ZRANB3: variants seen among roughly 807,000 people sequenced by gnomAD.
ZRANB3 encodes the protein DNA annealing helicase and endonuclease ZRANB3.
In ZRANB3, 125 loss-of-function variants were observed where a neutral mutation model predicts 133.8. The ratio of observed to expected loss-of-function variants is 0.93; its 90% CI spans 0.81 to 1.08. The LOEUF (loss-of-function observed/expected upper bound fraction) is 1.08. Ranked by LOEUF, ZRANB3 falls within the 50% of genes least tolerant of loss-of-function variation. The pLI, the probability that ZRANB3 is intolerant of heterozygous loss-of-function variation, is 0.00. For missense variants in ZRANB3, 1,229 were observed against 1,275.5 expected, an observed-to-expected ratio of 0.96 and a Z score of 0.56; for synonymous variants, 387 against 432.7, an observed-to-expected ratio of 0.89 and a Z score of 1.31.
chr2:135,522,019 G>C (rs1426123671), intron 1 of ZRANB3, among the ~76,000 whole-genome samples: 1 of 152,154 alleles, frequency 6.6e-6, no homozygotes, highest in Non-Finnish European at 1.5e-5. Flanking sequence ...GAGCATAACA[G>C]CTCTGCAGCA....
At chr2:135,314,119 C>T (rs1683137771) in intron 7 of ZRANB3, among the ~76,000 whole-genome samples, 1 of 152,200 alleles carries the variant, frequency 6.6e-6, no homozygotes, top group African/African-American at 2.4e-5. Flanking sequence ...CCACCTCGAC[C>T]TCCCAAAGTG....
chr2:135,209,055 T>G, intron 17 of ZRANB3, 77 bp from the exon 18 acceptor site: 1 of 1,358,904 alleles, frequency 7.4e-7, no homozygotes, highest in Non-Finnish European at 1.0e-6. Context: ...CATTGTTCCT[T>G]GCAAAAGCAA....
At chr2:135,207,339 C>G (rs1693911222) in intron 19 of ZRANB3, 95 bp downstream of exon 19, 2 of 1,408,184 alleles carry the variant, frequency 1.4e-6, no homozygotes, top group Admixed American at 2.3e-5. Flanking sequence ...TTTTATATAT[C>G]TGAATATTCC....
intron 2 of ZRANB3, among the ~76,000 whole-genome samples, chr2:135,462,555 T>TTTCC (rs550308521): frequency 2.0e-5 from 3 of 151,736 alleles, no homozygotes; most frequent in East Asian, 1.9e-4. Context: ...CTTCCTTTCT[T>TTTCC]TTCCTTCCTT....
chr2:135,327,625 G>A (rs1683899703), intron 6 of ZRANB3, among the ~76,000 whole-genome samples: 1 of 152,076 alleles, frequency 6.6e-6, no homozygotes, highest in African/African-American at 2.4e-5. Context: ...AAGAAAACGG[G>A]TGTCAAAGGG....
chr2:135,413,304 T>C (rs1185799224), intron 2 of ZRANB3, among the ~76,000 whole-genome samples: 1 of 152,170 alleles, frequency 6.6e-6, no homozygotes, highest in African/African-American at 2.4e-5. Context: ...TCTTACGTGT[T>C]ATGTGGTCTC....
At chr2:135,490,978 G>A (rs1016911801) in intron 2 of ZRANB3, among the ~76,000 whole-genome samples, 17 of 152,110 alleles carry the variant, frequency 1.1e-4, no homozygotes, top group African/African-American at 4.1e-4. Flanking sequence ...GGCTACTAGT[G>A]GTTGGGAAGG....
intron 13 of ZRANB3, among the ~76,000 whole-genome samples, chr2:135,229,220 G>A (rs900912815): frequency 3.3e-5 from 5 of 152,090 alleles, no homozygotes; most frequent in Non-Finnish European, 7.4e-5. Context: ...ATTTTGGTGG[G>A]AGTACCCAGA....
At chr2:135,305,750 T>C (rs1682657677) in intron 8 of ZRANB3, among the ~76,000 whole-genome samples, 1 of 152,232 alleles carries the variant, frequency 6.6e-6, no homozygotes, top group South Asian at 2.1e-4. Flanking sequence ...CTTTAAGTTT[T>C]TCTTATAGGG....
Position 135,454,267 on chromosome 2 carries a change from C to T in ZRANB3, c.161+50062G>A, listed in dbSNP as rs562141558. Among the ~76,000 whole-genome samples the T allele has an allele frequency of 9.9e-5, 15 of 152,272 alleles. No individual in the cohort carries two copies. In the South Asian group the frequency reaches 2.7e-3, roughly 27 times the overall value. On this transcript the variant is annotated intron_variant, in intron 2 of 20. Coordinates refer to ENST00000264159, the MANE Select transcript of ZRANB3 (RefSeq NM_032143.4). ...CAGCCTCCCACAACACATGGGAATT[C>T]CAGGAGATACAATTCAAGTTGAGAT...
intron 6 of ZRANB3, among the ~76,000 whole-genome samples, chr2:135,326,065 G>C (rs1401252583): frequency 6.6e-6 from 1 of 152,136 alleles, no homozygotes. Context: ...ATCATTTGCT[G>C]TATGTGAGCC....
chr2:135,378,514 C>T (rs778151020), intron 3 of ZRANB3, among the ~76,000 whole-genome samples: 13 of 150,826 alleles, frequency 8.6e-5, no homozygotes, highest in African/African-American at 1.9e-4. Flanking sequence ...AAAACAAAAA[C>T]GTAAAACACA....
chr2:135,523,710 T>C (rs1694036940), intron 1 of ZRANB3, among the ~76,000 whole-genome samples: 1 of 152,206 alleles, frequency 6.6e-6, no homozygotes, highest in Non-Finnish European at 1.5e-5. Flanking sequence ...CTGCCCAAGG[T>C]AACACAAGTA....
chr2:135,463,453 T>C (rs1574142331), intron 2 of ZRANB3, among the ~76,000 whole-genome samples: 1 of 151,958 alleles, frequency 6.6e-6, no homozygotes, highest in Non-Finnish European at 1.5e-5. Flanking sequence ...GTTTTACTCT[T>C]GATGCCCAGG....
chr2:135,528,952 T>C (rs941901469), intron 1 of ZRANB3, among the ~76,000 whole-genome samples: 1 of 152,202 alleles, frequency 6.6e-6, no homozygotes, highest in African/African-American at 2.4e-5. Flanking sequence ...CAAATAAACA[T>C]ACAAAATGTG....
intron 2 of ZRANB3, among the ~76,000 whole-genome samples, chr2:135,481,945 T>A (rs1574174483): frequency 6.5e-5 from 9 of 137,788 alleles, no homozygotes; most frequent in African/African-American, 2.3e-4. Context: ...GCGTTATTTC[T>A]GAGGGCTCTG....
intron 8 of ZRANB3, among the ~76,000 whole-genome samples, chr2:135,280,122 T>C (rs192919003): frequency 1.0e-3 from 158 of 152,340 alleles, no homozygotes; most frequent in African/African-American, 3.7e-3. Context: ...ATCAGCATCT[T>C]GGTAGTGTCG....
chr2:135,505,556 AGAGT>A (rs747422557), intron 1 of ZRANB3, among the ~76,000 whole-genome samples: 2 of 152,034 alleles, frequency 1.3e-5, no homozygotes, highest in Admixed American at 1.3e-4. Flanking sequence ...CCTGGGCGAC[AGAGT>A]GAGACTCTGT....
chr2:135,482,532 T>C (rs1691874146), intron 2 of ZRANB3, among the ~76,000 whole-genome samples: 1 of 151,082 alleles, frequency 6.6e-6, no homozygotes, highest in African/African-American at 2.4e-5. Context: ...ACAATGGGGT[T>C]TTCTAGATAT....
Sources: allele counts gnomAD v4.1 joint callset (sites outside exome capture counted in the v4.1 genomes callset), GRCh38; gene constraint gnomAD v4.1.1; transcripts MANE v1.5; gene names NCBI Gene and HGNC (gene_info 2026-07-23, HGNC 2026-07-21).